FBP1: variants seen among roughly 807,000 people sequenced by gnomAD.
The protein encoded by FBP1 is fructose-1,6-bisphosphatase 1.
In FBP1, 22 loss-of-function variants were observed where a neutral mutation model predicts 29.9. The observed-to-expected ratio is 0.74, with a 90% CI of 0.53 to 1.05. The LOEUF (loss-of-function observed/expected upper bound fraction) is 1.05. Ranked by LOEUF, FBP1 falls within the 50% of genes least tolerant of loss-of-function variation. The probability of loss-of-function intolerance (pLI) is 0.00; values close to 1 mark genes in which losing one functional copy is unlikely to be tolerated. For synonymous variants in FBP1, 175 were observed against 178.6 expected (o/e 0.98, Z 0.16); for missense variants, 345 against 448.2 (o/e 0.77, Z 2.08).
chr9:94,623,547 C>T (rs1449791947), intron 1 of FBP1, among the ~76,000 whole-genome samples: 1 of 152,198 alleles, frequency 6.6e-6, no homozygotes, highest in Non-Finnish European at 1.5e-5. Context: ...GCCGGGAGGG[C>T]TGGGCAGAGG....
At chr9:94,619,241 A>G (rs1827906351) in intron 2 of FBP1, among the ~76,000 whole-genome samples, 3 of 152,308 alleles carry the variant, frequency 2.0e-5, no homozygotes, top group Admixed American at 2.0e-4. Flanking sequence ...CGGCTATTTT[A>G]GGAATGATGA....
intron 2 of FBP1, among the ~76,000 whole-genome samples, chr9:94,619,086 T>C (rs1428795156): frequency 1.3e-5 from 2 of 152,132 alleles, no homozygotes; most frequent in African/African-American, 4.8e-5. Flanking sequence ...GGAAGCTGCC[T>C]ATCATGAAGG....
chr9:94,612,856 C>T (rs1351141466), intron 3 of FBP1, among the ~76,000 whole-genome samples: 1 of 152,106 alleles, frequency 6.6e-6, no homozygotes, highest in African/African-American at 2.4e-5. Context: ...TAATTCCTTC[C>T]TCCAAATGCT....
At chr9:94,640,086 C>T (rs1828263479), upstream of FBP1, 1 of 152,276 alleles carries the variant, frequency 6.6e-6, no homozygotes. Flanking sequence ...CAGGCCTCTT[C>T]TCAAGATTCC....
intron 1 of FBP1, among the ~76,000 whole-genome samples, chr9:94,626,268 C>T (rs1311467870): frequency 1.3e-5 from 2 of 152,154 alleles, no homozygotes; most frequent in Non-Finnish European, 2.9e-5. Flanking sequence ...GAAGGCTTCT[C>T]CTGGTTAATC....
chr9:94,626,777 G>A (rs745529944), intron 1 of FBP1, among the ~76,000 whole-genome samples: 5 of 152,146 alleles, frequency 3.3e-5, no homozygotes, highest in Non-Finnish European at 5.9e-5. Flanking sequence ...GTCTGGCCAG[G>A]CACAGTGGCT....
intron 3 of FBP1, among the ~76,000 whole-genome samples, chr9:94,610,616 G>T (rs1269392654): frequency 6.6e-6 from 1 of 152,232 alleles, no homozygotes; most frequent in East Asian, 1.9e-4. Context: ...AGCAGATGCT[G>T]TCCAGTGTTT....
At chr9:94,603,653 C>G in intron 6 of FBP1, 81 bp from the exon 7 acceptor site, 2 of 1,290,562 alleles carry the variant, frequency 1.5e-6, no homozygotes, top group Non-Finnish European at 2.3e-6. Context: ...GCAAAACATG[C>G]AGAGCTGGTG....
chr9:94,627,558 C>T (rs1347853467), intron 1 of FBP1, among the ~76,000 whole-genome samples: 1 of 152,130 alleles, frequency 6.6e-6, no homozygotes, highest in Non-Finnish European at 1.5e-5. Flanking sequence ...GCGAATGCAG[C>T]GGCTGCCATC....
At position 94,605,530 on chromosome 9, in the gene FBP1, GCCA is replaced by G. The variant is rs1199274118; in HGVS notation, c.749_751del (p.Val250del). On this transcript the variant is annotated inframe_deletion, in exon 6 of 7. Transcript: ENST00000375326. ...GTAGACCAGAGTGCGATGAACATCA[GCCA>G]CCATGGAGCCCACATACCGGGCCCC... The G allele has an allele frequency of 6.2e-7, 1 of 1,613,878 alleles. No individual in the cohort carries two copies. The highest frequency in any genetic ancestry group is 1.7e-5 in the Admixed American group (1 of 60,022).
chr9:94,613,737 C>T (rs1296105878), intron 3 of FBP1, among the ~76,000 whole-genome samples: 1 of 150,238 alleles, frequency 6.7e-6, no homozygotes, highest in African/African-American at 2.5e-5. Flanking sequence ...CTGCTCTCAG[C>T]CTGGGCGACA....
chr9:94,609,818 G>T, intron 4 of FBP1, 103 bp downstream of exon 4: 1 of 1,286,094 alleles, frequency 7.8e-7, no homozygotes, highest in Non-Finnish European at 1.1e-6. Flanking sequence ...CCCTCCATGG[G>T]CATCACCTCC....
intron 1 of FBP1, among the ~76,000 whole-genome samples, chr9:94,621,212 TCAAAAAAAA>T (rs1827943108): frequency 4.3e-5 from 1 of 23,146 alleles, no homozygotes; most frequent in African/African-American, 2.1e-4. Flanking sequence ...AGACTCCGTC[TCAAAAAAAA>T]AAAAAAAAAA....
Position 94,635,496 on chromosome 9 carries a change from C to T in FBP1, c.170+3645G>A, listed in dbSNP as rs1036396605. On this transcript the variant is annotated intron_variant, in intron 1 of 6. Coordinates refer to ENST00000375326, the MANE Select transcript of FBP1 (RefSeq NM_000507.4). ...CCTGCAAATCTGCAATCACCCCGTC[C>T]CTCTGGGTACATGCTCTTCTAGGTC... Among the ~76,000 whole-genome samples, 6 of 152,260 alleles carry T rather than the reference C, an allele frequency of 3.9e-5. No homozygotes were observed. In the East Asian group the frequency reaches 1.2e-3, roughly 29 times the overall value.
chr9:94,605,650 T>C (rs1252965345), intron 5 of FBP1, 74 bp from the exon 6 acceptor site: 2 of 1,479,460 alleles, frequency 1.4e-6, no homozygotes, highest in African/African-American at 2.8e-5. Flanking sequence ...CTCCTAAGTT[T>C]CTTTGATTCC....
intron 4 of FBP1, among the ~76,000 whole-genome samples, chr9:94,608,131 T>C (rs992882071): frequency 2.2e-4 from 33 of 152,284 alleles, no homozygotes; most frequent in African/African-American, 7.5e-4. Context: ...AAAGTCTGTG[T>C]ACAGAGACAA....
intron 1 of FBP1, among the ~76,000 whole-genome samples, chr9:94,637,502 A>C (rs1828209884): frequency 6.6e-6 from 1 of 151,044 alleles, no homozygotes; most frequent in African/African-American, 2.4e-5. Context: ...GGGTTCAAGC[A>C]ATTCTCCTTC....
Position 94,631,007 on chromosome 9 carries a change from G to A in FBP1, c.170+8134C>T, listed in dbSNP as rs141672930. On this transcript the variant is annotated intron_variant, in intron 1 of 6. Coordinates refer to ENST00000375326, the MANE Select transcript of FBP1 (RefSeq NM_000507.4). ...AACCAGTTTTGCAGGCAACTTCTTGGAGGACAGCCAATAAGGAACTGGCAA... is the reference window on the plus strand; with the variant it reads ...AACCAGTTTTGCAGGCAACTTCTTGAAGGACAGCCAATAAGGAACTGGCAA... Among the ~76,000 whole-genome samples the A allele has an allele frequency of 7.8e-3, 1,189 of 152,312 alleles. 14 individuals carry two copies. Among genetic ancestry groups the A allele is most frequent in the African/African-American group, 0.028 (1,146 of 41,556 alleles).
At position 94,630,392 on chromosome 9, in the gene FBP1, C is replaced by T. The variant is rs1399806576; in HGVS notation, c.170+8749G>A. Among the ~76,000 whole-genome samples, 8 of 152,316 alleles carry T rather than the reference C, an allele frequency of 5.3e-5. No individual in the cohort carries two copies. In the East Asian group the frequency reaches 1.2e-3, roughly 22 times the overall value. ...GGTAAAAGTGTGTTTGCTGTGCAAA[C>T]TTAGCGTTAGACAAATGCAATGGCC... On this transcript the variant is annotated intron_variant, in intron 1 of 6. Transcript: ENST00000375326.
Sources: gnomAD v4.1 joint callset for allele counts (sites outside exome capture counted in the v4.1 genomes callset) on GRCh38, gnomAD v4.1.1 for gene constraint, MANE v1.5 for transcripts, NCBI Gene and HGNC (gene_info 2026-07-23, HGNC 2026-07-21) for gene names.